Variants in LRMDA observed in about 807,000 individuals in gnomAD.
LRMDA encodes the protein leucine rich melanocyte differentiation associated, also known as leucine-rich melanocyte differentiation-associated protein.
LRMDA carries 18 observed loss-of-function variants against 29.8 expected under a neutral mutation model. That is an observed-to-expected ratio of 0.60 (90% CI 0.42 to 0.90). LRMDA has a LOEUF of 0.90. LRMDA is among the 40% of genes least tolerant of loss of function. The pLI, the probability that LRMDA is intolerant of heterozygous loss-of-function variation, is 0.00. For missense variants in LRMDA, 273 were observed against 273.9 expected (o/e 1.00, Z 0.02); for synonymous variants, 125 against 109.4 (o/e 1.14, Z -0.89).
At chr10:76,153,209 T>G (rs1850478782) in intron 5 of LRMDA, among the ~76,000 whole-genome samples, 1 of 152,216 alleles carries the variant, frequency 6.6e-6, no homozygotes, top group Non-Finnish European at 1.5e-5. Context: ...TTATATATTC[T>G]GGATACTAAA....
chr10:75,500,528 G>A (rs1195189869), intron 2 of LRMDA, among the ~76,000 whole-genome samples: 2 of 152,158 alleles, frequency 1.3e-5, no homozygotes, highest in African/African-American at 4.8e-5. Context: ...TAGTAGATAT[G>A]CAGTAAATAC....
intron 2 of LRMDA, among the ~76,000 whole-genome samples, chr10:75,778,357 C>G (rs1214024828): frequency 6.6e-6 from 1 of 152,150 alleles, no homozygotes; most frequent in African/African-American, 2.4e-5. Flanking sequence ...GGATTACAGA[C>G]ATGAGCCACC....
intron 5 of LRMDA, among the ~76,000 whole-genome samples, chr10:76,209,630 T>C (rs970601480): frequency 6.6e-6 from 1 of 152,204 alleles, no homozygotes; most frequent in Non-Finnish European, 1.5e-5. Context: ...GATAAGGATT[T>C]GATCTCTTCT....
At chr10:75,998,059 C>T (rs1169466651) in intron 2 of LRMDA, among the ~76,000 whole-genome samples, 1 of 152,072 alleles carries the variant, frequency 6.6e-6, no homozygotes, top group Non-Finnish European at 1.5e-5. Context: ...CAGTCCTGAC[C>T]CTCAAATGTC....
chr10:75,431,787 G>T, intron 1 of LRMDA, 33 bp downstream of exon 1: 1 of 1,340,328 alleles, frequency 7.5e-7, no homozygotes, highest in Non-Finnish European at 9.6e-7. Flanking sequence ...TCCGCCCGGG[G>T]CGCAGTCCGC....
At chr10:75,614,191 T>C (rs1476645811) in intron 2 of LRMDA, among the ~76,000 whole-genome samples, 2 of 152,170 alleles carry the variant, frequency 1.3e-5, no homozygotes, top group Non-Finnish European at 1.5e-5. Context: ...TCTAGCACCA[T>C]CCTTTTCTGG....
chr10:75,953,917 C>G (rs1846620799), intron 2 of LRMDA, among the ~76,000 whole-genome samples: 1 of 151,956 alleles, frequency 6.6e-6, no homozygotes, highest in Non-Finnish European at 1.5e-5. Flanking sequence ...CCAGGTGGGC[C>G]GAATCTAATC....
chr10:75,530,082 A>G (rs1281723243), intron 2 of LRMDA, among the ~76,000 whole-genome samples: 2 of 152,066 alleles, frequency 1.3e-5, no homozygotes, highest in Non-Finnish European at 2.9e-5. Flanking sequence ...TATTTTAGGT[A>G]GTTACATATT....
Position 76,371,271 on chromosome 10 carries a change from G to A in LRMDA, c.601+46786G>A, listed in dbSNP as rs556775182. Among the ~76,000 whole-genome samples the A allele has an allele frequency of 5.9e-5, 9 of 152,292 alleles. No individual in the cohort carries two copies. In the East Asian group the frequency reaches 1.4e-3, roughly 23 times the overall value. ...GGACCTGAAGATGCCATGAAAATTC[G>A]AGGTAGTGGTTCTCTTTCTCCTTCT... On this transcript the variant is annotated intron_variant, in intron 6 of 6. Coordinates refer to ENST00000611255, the MANE Select transcript of LRMDA (RefSeq NM_001305581.2).
chr10:75,867,079 C>T (rs903423610), intron 2 of LRMDA, among the ~76,000 whole-genome samples: 2 of 152,164 alleles, frequency 1.3e-5, no homozygotes, highest in Admixed American at 6.5e-5. Flanking sequence ...AGGTTACTGC[C>T]GTCTGGACAG....
intron 3 of LRMDA, 128 bp downstream of exon 3, chr10:76,036,262 A>T: frequency 1.0e-6 from 1 of 979,036 alleles, no homozygotes; most frequent in Non-Finnish European, 1.5e-6. Context: ...AAAGTATGTG[A>T]AATACAGTTC....
rs115523406 is a variant in LRMDA, at chr10:75,624,795, G to A, written c.131+186301G>A. On this transcript the variant is annotated intron_variant, in intron 2 of 6. Coordinates refer to ENST00000611255, the MANE Select transcript of LRMDA (RefSeq NM_001305581.2). ...TGATAAATTTTCACTTGTGCATCCT[G>A]CTCCAGGTAATTAATTGCTTTCAGT... 2.2e-4 allele frequency among the ~76,000 whole-genome samples: 34 copies of A among 152,150 alleles called. 1 individual carries two copies. Among genetic ancestry groups the A allele is most frequent in the Non-Finnish European group, 8.8e-5 (6 of 68,032 alleles).
chr10:76,410,661 A>G (rs779511332), intron 6 of LRMDA, among the ~76,000 whole-genome samples: 8 of 152,064 alleles, frequency 5.3e-5, no homozygotes, highest in Non-Finnish European at 1.0e-4. Context: ...TTGGCTTATT[A>G]CAAAGATCAT....
chr10:76,190,100 A>T (rs1463205678), intron 5 of LRMDA, among the ~76,000 whole-genome samples: 1 of 152,178 alleles, frequency 6.6e-6, no homozygotes, highest in Non-Finnish European at 1.5e-5. Context: ...GTGGACAAAG[A>T]TTCTCTGTCT....
At chr10:76,259,601 A>T (rs972114374) in intron 5 of LRMDA, among the ~76,000 whole-genome samples, 2 of 152,084 alleles carry the variant, frequency 1.3e-5, no homozygotes, top group African/African-American at 4.8e-5. Flanking sequence ...GTGCAGTTTA[A>T]TTCCAGCATT....
At chr10:75,693,383 T>C (rs551665159) in intron 2 of LRMDA, among the ~76,000 whole-genome samples, 1 of 152,350 alleles carries the variant, frequency 6.6e-6, no homozygotes, top group East Asian at 1.9e-4. Context: ...TATGGGAGCC[T>C]CTTTGTGACA....
chr10:76,475,802 T>G (rs1414992171), intron 6 of LRMDA, among the ~76,000 whole-genome samples: 4 of 151,660 alleles, frequency 2.6e-5, no homozygotes, highest in African/African-American at 4.8e-5. Flanking sequence ...AATGACTACT[T>G]GGTACATAAC....
intron 6 of LRMDA, among the ~76,000 whole-genome samples, chr10:76,345,943 G>A (rs1467377025): frequency 6.6e-6 from 1 of 152,050 alleles, no homozygotes; most frequent in Non-Finnish European, 1.5e-5. Flanking sequence ...AAAAGGTTAA[G>A]GTAAGCAAAA....
At chr10:75,953,223 C>A (rs1846607554) in intron 2 of LRMDA, among the ~76,000 whole-genome samples, 1 of 152,122 alleles carries the variant, frequency 6.6e-6, no homozygotes, top group South Asian at 2.1e-4. Context: ...CAGGCACACA[C>A]CACCATGCCC....
Sources: allele counts gnomAD v4.1 joint callset (sites outside exome capture counted in the v4.1 genomes callset), GRCh38; gene constraint gnomAD v4.1.1; transcripts MANE v1.5; gene names NCBI Gene and HGNC (gene_info 2026-07-23, HGNC 2026-07-21).